USP45: variants seen among roughly 807,000 people sequenced by gnomAD.
The protein encoded by USP45 is ubiquitin carboxyl-terminal hydrolase 45.
A neutral mutation model predicts 95.8 loss-of-function variants in USP45; 89 were observed. The ratio of observed to expected loss-of-function variants is 0.93; its 90% CI spans 0.78 to 1.11. USP45 has a LOEUF of 1.11. Among genes scored for constraint, USP45 ranks in the 50% least tolerant of loss-of-function variants. The pLI is 0.00. For missense variants in USP45, 898 were observed against 942.5 expected, an observed-to-expected ratio of 0.95 and a Z score of 0.62; for synonymous variants, 281 against 316.2, an observed-to-expected ratio of 0.89 and a Z score of 1.18.
chr6:99,514,459 G>A (rs1263217846), intron 1 of USP45, among the ~76,000 whole-genome samples: 1 of 152,166 alleles, frequency 6.6e-6, no homozygotes, highest in Non-Finnish European at 1.5e-5. Flanking sequence ...TCCTTTCTAA[G>A]GATAGCAGTC....
At chr6:99,515,851 T>G (rs1801057102), upstream of USP45, among the ~76,000 whole-genome samples, 1 of 139,002 alleles carries the variant, frequency 7.2e-6, no homozygotes, top group Non-Finnish European at 1.5e-5. Flanking sequence ...CTCGGCTCAC[T>G]GCAACCTCCG....
intron 5 of USP45, among the ~76,000 whole-genome samples, chr6:99,497,918 C>A (rs733615): frequency 0.79 from 119,616 of 152,052 alleles, 47,349 homozygotes; most frequent in East Asian, 0.99. Flanking sequence ...TCCCTTTTTG[C>A]CCAGATAATT....
At chr6:99,484,004 G>GTT (rs773687208) in intron 7 of USP45, among the ~76,000 whole-genome samples, 16 of 91,464 alleles carry the variant, frequency 1.7e-4, no homozygotes, top group African/African-American at 6.0e-4. Flanking sequence ...ATTTTCCATA[G>GTT]TTTTTTTTTT....
At chr6:99,436,392 A>G (rs946708249) in intron 17 of USP45, among the ~76,000 whole-genome samples, 6 of 149,698 alleles carry the variant, frequency 4.0e-5, no homozygotes, top group Non-Finnish European at 8.9e-5. Context: ...TCTCTAATTT[A>G]AAAAACAACA....
intron 17 of USP45, 134 bp downstream of exon 17, chr6:99,437,112 C>CAATCAAT: frequency 4.1e-6 from 4 of 973,666 alleles, no homozygotes; most frequent in Non-Finnish European, 6.0e-6. Flanking sequence ...ATCAATCAAT[C>CAATCAAT]AATCAATTAA....
chr6:99,445,376 A>G (rs865922383), intron 14 of USP45, among the ~76,000 whole-genome samples: 2 of 151,878 alleles, frequency 1.3e-5, no homozygotes, highest in Middle Eastern at 3.4e-3. Flanking sequence ...TCAGCTACTC[A>G]GGAGGCTGAG....
intron 4 of USP45, among the ~76,000 whole-genome samples, chr6:99,505,223 G>A (rs1294704173): frequency 1.3e-5 from 2 of 152,142 alleles, no homozygotes; most frequent in Non-Finnish European, 2.9e-5. Flanking sequence ...TTCCAATTCA[G>A]AAAACTACCC....
intron 13 of USP45, among the ~76,000 whole-genome samples, chr6:99,457,797 C>T (rs529209172): frequency 1.3e-5 from 2 of 152,268 alleles, no homozygotes; most frequent in African/African-American, 4.8e-5. Context: ...TCCCATTAAT[C>T]ATGTCTGAGG....
At chr6:99,510,583 T>C (rs1158524871) in intron 1 of USP45, among the ~76,000 whole-genome samples, 3 of 152,110 alleles carry the variant, frequency 2.0e-5, no homozygotes, top group African/African-American at 7.2e-5. Context: ...GAGACTGGCC[T>C]CTTATAATAA....
chr6:99,488,668 T>C lies in USP45; in HGVS notation c.618+13A>G, dbSNP rs1794529782. ...ATCTTTTACATATTACAAAGCTTTC[T>C]GATGACTCTTACCTGCATGACTGCA... On this transcript the variant is annotated intron_variant, in intron 6 of 17. Transcript: ENST00000500704. The C allele has an allele frequency of 1.9e-6, 3 of 1,590,856 alleles. No homozygotes were observed. The African/African-American group carries it at 4.1e-5, about 22-fold the overall frequency.
chr6:99,465,748 G>C (rs1433178370), intron 11 of USP45, among the ~76,000 whole-genome samples: 1 of 152,036 alleles, frequency 6.6e-6, no homozygotes, highest in Non-Finnish European at 1.5e-5. Flanking sequence ...AATGAATAAA[G>C]GCTCCTTTTA....
At chr6:99,502,476 AG>A (rs988710001) in intron 5 of USP45, among the ~76,000 whole-genome samples, 2 of 152,226 alleles carry the variant, frequency 1.3e-5, no homozygotes, top group African/African-American at 4.8e-5. Flanking sequence ...TCAAGCCTGC[AG>A]CTAGTTTCTG....
intron 13 of USP45, among the ~76,000 whole-genome samples, chr6:99,453,887 G>T (rs1784448799): frequency 6.6e-6 from 1 of 152,180 alleles, no homozygotes; most frequent in South Asian, 2.1e-4. Context: ...CTGAACCTGG[G>T]AGGCGGAGAC....
In USP45 at chr6:99,446,441, T is replaced by C; in HGVS notation, c.1331A>G (p.Lys444Arg). Residue 444 changes from lysine (K) to arginine (R), a missense_variant, in exon 14 of 18, where the codon AAA (lysine) becomes AGA (arginine). Physicochemically the swap from Lys to Arg is conservative, Grantham distance 26. Transcript: ENST00000500704. Reference sequence around the variant, plus strand: ...TCCAGATGACAATTTTCTAATACATTTTCGGTCATGAATTAGTTGACTCTG... The same window carrying C: ...TCCAGATGACAATTTTCTAATACATCTTCGGTCATGAATTAGTTGACTCTG... Reference protein sequence around the residue: ...KDKSQLIHDRKCIRKLSSGET... With the variant: ...KDKSQLIHDRRCIRKLSSGET... 6.2e-7 allele frequency: 1 copy of C among 1,613,228 alleles called. No homozygotes were observed. Among genetic ancestry groups the C allele is most frequent in the South Asian group, 1.1e-5 (1 of 90,964 alleles).
upstream of USP45, among the ~76,000 whole-genome samples, chr6:99,515,770 CTTTT>C (rs56926251): frequency 1.1e-3 from 100 of 88,460 alleles, 1 homozygote; most frequent in African/African-American, 4.2e-3. Flanking sequence ...CCTCTGAACT[CTTTT>C]TTTTTTTTTT....
In USP45 at chr6:99,456,949, C is replaced by A. The variant is rs953952679; in HGVS notation, c.1308+7655G>T. Among the ~76,000 whole-genome samples the A allele has an allele frequency of 1.1e-4, 17 of 152,270 alleles. 1 individual carries two copies. In the East Asian group the frequency reaches 3.3e-3, roughly 29 times the overall value. ...AGGAACATACCTGAGAAAGAGAATG[C>A]GTGCCTGGGGGTAGGCCTATGAATG... On this transcript the variant is annotated intron_variant, in intron 13 of 17. Coordinates refer to ENST00000500704, the MANE Select transcript of USP45 (RefSeq NM_001346022.3).
chr6:99,510,894 C>G (rs1048063739), intron 1 of USP45, among the ~76,000 whole-genome samples: 1 of 152,096 alleles, frequency 6.6e-6, no homozygotes, highest in East Asian at 1.9e-4. Context: ...TCTCTTTACC[C>G]TTTCCTCCCT....
intron 5 of USP45, among the ~76,000 whole-genome samples, chr6:99,498,288 C>T (rs1562431304): frequency 1.3e-5 from 2 of 152,132 alleles, no homozygotes; most frequent in African/African-American, 4.8e-5. Flanking sequence ...CAAAGCTTAT[C>T]TATCTACTTC....
At chr6:99,507,664 AAAGT>A (rs1798831913) in intron 3 of USP45, 133 bp from the exon 4 acceptor site, 3 of 603,088 alleles carry the variant, frequency 5.0e-6, no homozygotes, top group Admixed American at 3.1e-5. Flanking sequence ...AAGTTTCAAA[AAAGT>A]AATATGGATT....
Sources: allele counts gnomAD v4.1 joint callset (sites outside exome capture counted in the v4.1 genomes callset), GRCh38; gene constraint gnomAD v4.1.1; transcripts MANE v1.5; gene names NCBI Gene and HGNC (gene_info 2026-07-23, HGNC 2026-07-21).